Variants in SGCG observed in about 807,000 individuals in gnomAD.
The protein encoded by SGCG is gamma-sarcoglycan.
SGCG carries 26 observed loss-of-function variants against 29.3 expected under a neutral mutation model. That is an observed-to-expected ratio of 0.89 (90% CI 0.65 to 1.23). The LOEUF (loss-of-function observed/expected upper bound fraction) is 1.23. SGCG is among the 50% of genes most tolerant of loss of function. SGCG has a pLI of 0.00. For synonymous variants in SGCG, 145 were observed against 129.7 expected (o/e 1.12, Z -0.80); for missense variants, 353 against 356.0 (o/e 0.99, Z 0.07).
At chr13:23,217,946 G>A (rs1254733137) in intron 2 of SGCG, among the ~76,000 whole-genome samples, 2 of 152,058 alleles carry the variant, frequency 1.3e-5, no homozygotes, top group African/African-American at 4.8e-5. Context: ...CAAACCAGCA[G>A]CCAAGAACAT....
Position 23,203,819 on chromosome 13 carries a change from T to A in SGCG, c.125T>A (p.Leu42His). ...CGCTGTCTCTACTTGTTTGTTCTTCTTTTACTCATCATCCTCGTTGTGAAT... is the reference window on the plus strand; with the variant it reads ...CGCTGTCTCTACTTGTTTGTTCTTCATTTACTCATCATCCTCGTTGTGAAT... ...RKRCLYLFVL[L>H]LLIILVVNLA... Residue 42 changes from leucine (L) to histidine (H), a missense_variant, in exon 2 of 8, where the codon CTT (leucine) becomes CAT (histidine). By Grantham distance (99) the Leu-to-His change is moderately conservative (BLOSUM62 -3). Transcript: ENST00000218867. 6.2e-7 allele frequency: 1 copy of A among 1,614,062 alleles called. No homozygotes were observed. Among genetic ancestry groups the A allele is most frequent in the Non-Finnish European group, 8.5e-7 (1 of 1,179,908 alleles).
At chr13:23,193,677 A>G (rs648987) in intron 1 of SGCG, among the ~76,000 whole-genome samples, 5,764 of 152,274 alleles carry the variant, frequency 0.038, 374 homozygotes, top group African/African-American at 0.13. Context: ...TAACAAGTGC[A>G]GTTCGAAATA....
At chr13:23,228,128 G>A (rs1878972178) in intron 2 of SGCG, among the ~76,000 whole-genome samples, 1 of 152,004 alleles carries the variant, frequency 6.6e-6, no homozygotes, top group Non-Finnish European at 1.5e-5. Context: ...GAGCTGTCCT[G>A]TATCTTGATG....
rs941810031 is a variant in SGCG, at chr13:23,234,491, A to G, written c.196-120A>G. ...TGCAAAGTTTTAAATACACTAGGAG[A>G]AATGCAGAAAAGGTGGTAGGCAATA... On this transcript the variant is annotated intron_variant, in intron 2 of 7. Coordinates refer to ENST00000218867, the MANE Select transcript of SGCG (RefSeq NM_000231.3). The G allele has an allele frequency of 2.3e-5, 15 of 650,112 alleles. No individual in the cohort carries two copies. In the Admixed American group the frequency reaches 3.9e-4, roughly 17 times the overall value. The allele number at this position is 650,112 out of a possible 1,614,324, so 40.3% of individuals were successfully genotyped here.
upstream of SGCG, among the ~76,000 whole-genome samples, chr13:23,179,999 T>C (rs1167528005): frequency 6.6e-6 from 1 of 152,132 alleles, no homozygotes; most frequent in Non-Finnish European, 1.5e-5. Flanking sequence ...CAGTACCCGA[T>C]AGACAGTTTT....
rs374029796 is a variant in SGCG at position 23,202,651 on chromosome 13, G to A, written c.1-1044G>A. Among the ~76,000 whole-genome samples, 507 of 152,300 alleles carry A rather than the reference G, an allele frequency of 3.3e-3. 2 individuals are homozygous for A. The highest frequency in any genetic ancestry group is 0.011 in the African/African-American group (478 of 41,568). ...TCAGTCCTGGATATTTGAAAATACTGTGTGATGAATAGCCTCATTGTAGAT... is the reference window on the plus strand; with the variant it reads ...TCAGTCCTGGATATTTGAAAATACTATGTGATGAATAGCCTCATTGTAGAT... On this transcript the variant is annotated intron_variant, in intron 1 of 7. Coordinates refer to ENST00000218867, the MANE Select transcript of SGCG (RefSeq NM_000231.3).
chr13:23,299,200 G>T (rs1027159418), intron 6 of SGCG, among the ~76,000 whole-genome samples: 4 of 151,820 alleles, frequency 2.6e-5, no homozygotes, highest in Admixed American at 2.0e-4. Context: ...TGTACATCCA[G>T]TTTGCTGTCT....
chr13:23,319,824 A>G (rs1416765812), intron 6 of SGCG, among the ~76,000 whole-genome samples: 1 of 152,200 alleles, frequency 6.6e-6, no homozygotes, highest in African/African-American at 2.4e-5. Flanking sequence ...ACATTGTGCC[A>G]TCTGGTGGAA....
chr13:23,176,516 T>C (rs1401829133), upstream of SGCG, among the ~76,000 whole-genome samples: 1 of 152,104 alleles, frequency 6.6e-6, no homozygotes, highest in African/African-American at 2.4e-5. Flanking sequence ...TTTTTTATAG[T>C]TTTTGACTTA....
the SGCG span, chr13:23,169,999 C>T: frequency 1.3e-5 from 2 of 152,206 alleles, no homozygotes; most frequent in Non-Finnish European, 2.9e-5. Context: ...GCTGACAAAT[C>T]CAGGCTTCAA....
At chr13:23,299,790 A>G (rs531912034) in intron 6 of SGCG, among the ~76,000 whole-genome samples, 2 of 152,116 alleles carry the variant, frequency 1.3e-5, no homozygotes, top group Non-Finnish European at 2.9e-5. Flanking sequence ...ATTTGCAAGG[A>G]AAGTATGAAC....
chr13:23,261,601 A>G (rs888133588), intron 4 of SGCG, among the ~76,000 whole-genome samples: 1 of 152,122 alleles, frequency 6.6e-6, no homozygotes, highest in Non-Finnish European at 1.5e-5. Flanking sequence ...ATAATTTAGG[A>G]AAACTTTCCT....
At chr13:23,275,266 G>A (rs1011115971) in intron 4 of SGCG, among the ~76,000 whole-genome samples, 1 of 151,840 alleles carries the variant, frequency 6.6e-6, no homozygotes, top group Non-Finnish European at 1.5e-5. Context: ...TGTAATCCCA[G>A]CACTTTGGGA....
chr13:23,322,417 A>G (rs1395283632), intron 7 of SGCG, among the ~76,000 whole-genome samples: 1 of 152,180 alleles, frequency 6.6e-6, no homozygotes, highest in Non-Finnish European at 1.5e-5. Context: ...AACAACTTCC[A>G]TTTAACCCAA....
chr13:23,165,950 T>C, the SGCG span, among the ~76,000 whole-genome samples: 1 of 152,222 alleles, frequency 6.6e-6, no homozygotes, highest in African/African-American at 2.4e-5. Context: ...TTTTCTGTTG[T>C]TTCTGATTTT....
In SGCG at chr13:23,190,938, T is replaced by C. The variant is rs1434970490; in HGVS notation, c.-1+9863T>C. ...AAAACTATATTTGGTGAAACTTTTC[T>C]GTTGATAATAACCTTCAGAAAATAC... On this transcript the variant is annotated intron_variant, in intron 1 of 7. Transcript: ENST00000218867. 4.6e-5 allele frequency among the ~76,000 whole-genome samples: 7 copies of C among 152,244 alleles called. 1 individual carries two copies. Among genetic ancestry groups the C allele is most frequent in the Non-Finnish European group, 4.4e-5 (3 of 68,048 alleles).
intron 6 of SGCG, among the ~76,000 whole-genome samples, chr13:23,305,949 G>A (rs184615762): frequency 6.6e-6 from 1 of 152,128 alleles, no homozygotes; most frequent in African/African-American, 2.4e-5. Context: ...TCAGCTTACT[G>A]CAGCCTCCAG....
intron 3 of SGCG, among the ~76,000 whole-genome samples, chr13:23,241,229 C>CAA (rs1440646254): frequency 2.0e-5 from 3 of 150,858 alleles, no homozygotes; most frequent in African/African-American, 7.3e-5. Flanking sequence ...CATGTTAGAC[C>CAA]AAAAATCAAA....
intron 6 of SGCG, among the ~76,000 whole-genome samples, chr13:23,307,324 C>G (rs1882396205): frequency 6.6e-6 from 1 of 152,184 alleles, no homozygotes; most frequent in Admixed American, 6.5e-5. Flanking sequence ...AATTTCTGTT[C>G]ATTGCAGTGT....
Sources: allele counts gnomAD v4.1 joint callset (sites outside exome capture counted in the v4.1 genomes callset), GRCh38; gene constraint gnomAD v4.1.1; transcripts MANE v1.5; gene names NCBI Gene and HGNC (gene_info 2026-07-23, HGNC 2026-07-21).